TAF3: variants seen among roughly 807,000 people sequenced by gnomAD.
The protein encoded by TAF3 is transcription initiation factor TFIID subunit 3.
In TAF3, 7 loss-of-function variants were observed where a neutral mutation model predicts 80.6. The ratio of observed to expected loss-of-function variants is 0.09; its 90% CI spans 0.05 to 0.16. TAF3 has a LOEUF of 0.16. Among genes scored for constraint, TAF3 ranks in the 10% least tolerant of loss-of-function variants. The pLI is 1.00. For missense variants in TAF3, 921 were observed against 1,140.2 expected, an observed-to-expected ratio of 0.81 and a Z score of 2.77; for synonymous variants, 444 against 446.1, an observed-to-expected ratio of 1.00 and a Z score of 0.06.
chr10:7,900,231 C>T (rs1008279367), intron 2 of TAF3, among the ~76,000 whole-genome samples: 6 of 152,014 alleles, frequency 3.9e-5, no homozygotes, highest in African/African-American at 1.2e-4. Context: ...TTTCTTATTG[C>T]CAAAATAAGT....
chr10:7,875,945 G>T (rs924567204), intron 2 of TAF3, among the ~76,000 whole-genome samples: 2 of 151,668 alleles, frequency 1.3e-5, no homozygotes, highest in Non-Finnish European at 2.9e-5. Context: ...CCAAACAAGT[G>T]ATAGTAATCT....
In TAF3 at chr10:7,831,372, G is replaced by T. The variant is rs144237805; in HGVS notation, c.409+6812G>T. On this transcript the variant is annotated intron_variant, in intron 2 of 6. Transcript: ENST00000344293. ...CATTACTTTTTTTTTTTGAGATGGA[G>T]TCTCACTCCATCGCCGAGGCTGGAG... Among the ~76,000 whole-genome samples the T allele has an allele frequency of 4.0e-3, 602 of 151,600 alleles. 5 individuals are homozygous for T. The highest frequency in any genetic ancestry group is 0.014 in the African/African-American group (573 of 41,304).
intron 3 of TAF3, among the ~76,000 whole-genome samples, chr10:7,974,871 C>T (rs1231431324): frequency 3.3e-5 from 5 of 151,752 alleles, no homozygotes; most frequent in East Asian, 3.9e-4. Flanking sequence ...GTCAGGAGAT[C>T]GAGACCACCC....
At chr10:8,003,239 GT>G (rs938981955) in intron 4 of TAF3, among the ~76,000 whole-genome samples, 67 of 146,352 alleles carry the variant, frequency 4.6e-4, no homozygotes, top group African/African-American at 1.6e-3. Context: ...TCAGACCAAG[GT>G]TTTTTTTTTA....
At chr10:7,983,761 C>T (rs1026681496) in intron 4 of TAF3, among the ~76,000 whole-genome samples, 4 of 152,066 alleles carry the variant, frequency 2.6e-5, no homozygotes, top group African/African-American at 7.2e-5. Context: ...ATTGATTGAG[C>T]CTGGGAACTC....
At chr10:7,899,239 C>T (rs1436203233) in intron 2 of TAF3, among the ~76,000 whole-genome samples, 3 of 152,154 alleles carry the variant, frequency 2.0e-5, no homozygotes, top group Non-Finnish European at 2.9e-5. Flanking sequence ...CGTTCTCATT[C>T]GGTCCCTCCA....
intron 2 of TAF3, among the ~76,000 whole-genome samples, chr10:7,925,575 A>G (rs919944080): frequency 1.8e-4 from 27 of 151,360 alleles, no homozygotes; most frequent in African/African-American, 6.3e-4. Context: ...AGGCCAGGGC[A>G]GGTGGATCAC....
intron 2 of TAF3, among the ~76,000 whole-genome samples, chr10:7,961,630 A>G (rs1483741988): frequency 6.6e-6 from 1 of 151,974 alleles, no homozygotes; most frequent in Non-Finnish European, 1.5e-5. Context: ...CATCATGGTG[A>G]CTTTAGTTAT....
intron 2 of TAF3, among the ~76,000 whole-genome samples, chr10:7,826,333 A>C (rs1836740535): frequency 1.3e-5 from 2 of 152,224 alleles, no homozygotes; most frequent in African/African-American, 4.8e-5. Flanking sequence ...TCCATAATAA[A>C]ATTCTCTTAA....
intron 2 of TAF3, among the ~76,000 whole-genome samples, chr10:7,881,583 G>A (rs1837363450): frequency 6.6e-6 from 1 of 151,720 alleles, no homozygotes; most frequent in African/African-American, 2.4e-5. Flanking sequence ...TATCAAATAG[G>A]TATATGTTTT....
intron 4 of TAF3, among the ~76,000 whole-genome samples, chr10:7,991,335 C>A (rs567250919): frequency 6.6e-6 from 1 of 152,168 alleles, no homozygotes; most frequent in Admixed American, 6.5e-5. Context: ...TAAAGCAACT[C>A]AAATGATTAT....
intron 2 of TAF3, among the ~76,000 whole-genome samples, chr10:7,876,560 A>C (rs779423659): frequency 1.8e-4 from 28 of 152,208 alleles, no homozygotes; most frequent in Non-Finnish European, 3.2e-4. Flanking sequence ...TCCACATAGG[A>C]GAAAGAGGAG....
At chr10:7,970,166 T>G (rs1831608631) in intron 3 of TAF3, among the ~76,000 whole-genome samples, 1 of 151,964 alleles carries the variant, frequency 6.6e-6, no homozygotes, top group Admixed American at 6.6e-5. Context: ...TAATTGGGAG[T>G]TGTCGACAAT....
chr10:7,949,030 C>T (rs1588562499), intron 2 of TAF3, among the ~76,000 whole-genome samples: 1 of 152,320 alleles, frequency 6.6e-6, no homozygotes, highest in Non-Finnish European at 1.5e-5. Context: ...CTGCTGCCGC[C>T]GCTGCTGACA....
chr10:7,860,276 G>GA (rs201229918), intron 2 of TAF3, among the ~76,000 whole-genome samples: 1,627 of 135,828 alleles, frequency 0.012, 25 homozygotes, highest in African/African-American at 0.04. Context: ...ACCCTGTCTG[G>GA]AAAAAAAAAA....
At position 7,970,681 on chromosome 10, in the gene TAF3, G is replaced by A. The variant is rs1016611495; in HGVS notation, c.2232+4939G>A. ...CCGCCATATTTTAAAGAGCAGGAAA[G>A]GGATATCCTTTACACTTTGATGACT... On this transcript the variant is annotated intron_variant, in intron 3 of 6. Transcript: ENST00000344293. Among the ~76,000 whole-genome samples the A allele has an allele frequency of 4.6e-5, 7 of 152,286 alleles. No individual in the cohort carries two copies. The South Asian group carries it at 1.5e-3, about 32-fold the overall frequency.
chr10:7,939,615 C>G (rs932909079), intron 2 of TAF3, among the ~76,000 whole-genome samples: 18 of 147,858 alleles, frequency 1.2e-4, no homozygotes, highest in Admixed American at 2.0e-4. Flanking sequence ...CACACACACA[C>G]ACACACCTCT....
At chr10:8,000,807 A>G (rs1435864810) in intron 4 of TAF3, among the ~76,000 whole-genome samples, 3 of 152,350 alleles carry the variant, frequency 2.0e-5, no homozygotes, top group East Asian at 3.9e-4. Context: ...TAAAACATCT[A>G]TAATTTTCAT....
At chr10:7,948,837 GC>G (rs2131401876) in intron 2 of TAF3, among the ~76,000 whole-genome samples, 1 of 152,146 alleles carries the variant, frequency 6.6e-6, no homozygotes, top group African/African-American at 2.4e-5. Context: ...TTCGAATCTT[GC>G]TTCCTAACAG....
Sources: allele counts gnomAD v4.1 joint callset (sites outside exome capture counted in the v4.1 genomes callset), GRCh38; gene constraint gnomAD v4.1.1; transcripts MANE v1.5; gene names NCBI Gene and HGNC (gene_info 2026-07-23, HGNC 2026-07-21).